The following GSE1 variants were observed in gnomAD, a reference collection of about 807,000 sequenced individuals.
GSE1 encodes the protein genetic suppressor element 1.
In GSE1, 32 loss-of-function variants were observed where a neutral mutation model predicts 112.6. The observed-to-expected ratio is 0.28, with a 90% CI of 0.21 to 0.38. GSE1 has a LOEUF of 0.38. Ranked by LOEUF, GSE1 falls within the 10% of genes least tolerant of loss-of-function variation. GSE1 has a pLI of 1.00. For missense variants in GSE1, 2,348 were observed against 1,699.2 expected (o/e 1.38, Z -6.71); for synonymous variants, 1,115 against 735.6 (o/e 1.52, Z -8.35).
rs9940601 is a variant in GSE1, at chr16:85,672,441, A to C, written c.3556A>C (p.Arg1186=). 1,015,872 of 1,608,578 alleles carry C rather than the reference A, an allele frequency of 0.63. 323,539 individuals carry two copies. Among genetic ancestry groups the C allele is most frequent in the East Asian group, 0.9 (40,120 of 44,802 alleles). ...CCAGAAACAGAAGATGGTCTCAGAA[A>C]GGGAGCGGCTCCAGGCAGAACTGGA... ...RSQKQKMVSE[R]ERLQAELDHL... is the part of the protein sequence containing the mutation. The change falls in exon 16 of 16, where the codon AGG becomes CGG. Residue 1186 remains arginine (R), a synonymous_variant. Coordinates refer to ENST00000253458, the MANE Select transcript of GSE1 (RefSeq NM_014615.5).
chr16:85,506,710 A>G (rs1266444435), intron 2 of GSE1, among the ~76,000 whole-genome samples: 1 of 152,000 alleles, frequency 6.6e-6, no homozygotes, highest in African/African-American at 2.4e-5. Context: ...AACAACTGCT[A>G]ACGTCGATTA....
At chr16:85,658,173 C>A (rs1046820548) in intron 8 of GSE1, among the ~76,000 whole-genome samples, 1 of 152,208 alleles carries the variant, frequency 6.6e-6, no homozygotes, top group African/African-American at 2.4e-5. Flanking sequence ...GGCCCCAGTG[C>A]CCCCAGTCCT....
At chr16:85,580,979 C>G (rs1388981607) in intron 1 of GSE1, among the ~76,000 whole-genome samples, 1 of 152,242 alleles carries the variant, frequency 6.6e-6, no homozygotes, top group South Asian at 2.1e-4. Flanking sequence ...GTAGCCTGAG[C>G]AGAGATGCAC....
Position 85,350,611 on chromosome 16 carries a change from G to A in GSE1, c.2284-6852G>A, listed in dbSNP as rs78024767. On this transcript the variant is annotated intron_variant, in intron 1 of 2. Transcript: ENST00000637419. ...CAGCACACACCCCTTCAAGCTTTGA[G>A]GGGCCATGAGGTCACCGTGATGCTT... Among the ~76,000 whole-genome samples, 950 of 152,214 alleles carry A rather than the reference G, an allele frequency of 6.2e-3. 14 individuals carry two copies. Among genetic ancestry groups the A allele is most frequent in the African/African-American group, 0.022 (897 of 41,524 alleles).
chr16:85,177,718 G>T (rs1474358988), intron 1 of GSE1, among the ~76,000 whole-genome samples: 1 of 152,218 alleles, frequency 6.6e-6, no homozygotes. Context: ...ACGGGAGCAT[G>T]ACTTCATCTT....
intron 2 of GSE1, among the ~76,000 whole-genome samples, chr16:85,404,501 G>A (rs1436063962): frequency 3.0e-5 from 2 of 66,338 alleles, no homozygotes; most frequent in Admixed American, 2.7e-4. Flanking sequence ...GGGCCCCCCC[G>A]GATAATCCTC....
intron 2 of GSE1, among the ~76,000 whole-genome samples, chr16:85,442,188 C>G (rs1340532091): frequency 6.6e-6 from 1 of 152,232 alleles, no homozygotes; most frequent in Non-Finnish European, 1.5e-5. Flanking sequence ...TCAGGTATCA[C>G]CTCCTCAGAG....
chr16:85,309,658 C>A (rs144788276), intron 1 of GSE1, among the ~76,000 whole-genome samples: 39 of 152,248 alleles, frequency 2.6e-4, no homozygotes, highest in Non-Finnish European at 4.8e-4. Context: ...ACCTGTCCAC[C>A]TCTCCTGCTC....
chr16:85,205,040 T>C (rs2143592340), intron 1 of GSE1, among the ~76,000 whole-genome samples: 1 of 143,082 alleles, frequency 7.0e-6, no homozygotes, highest in East Asian at 2.0e-4. Flanking sequence ...GCTGGGCATG[T>C]ACACGTACGT....
At chr16:85,652,898 C>T (rs367886332) in intron 3 of GSE1, among the ~76,000 whole-genome samples, 5 of 152,062 alleles carry the variant, frequency 3.3e-5, no homozygotes, top group African/African-American at 1.2e-4. Flanking sequence ...GGCTGGTGCT[C>T]TTCAGGAGCA....
Position 85,633,680 on chromosome 16 carries a change from A to T in GSE1, c.8-234A>T, listed in dbSNP as rs36004112. On this transcript the variant is annotated intron_variant, in intron 1 of 15. Coordinates refer to ENST00000253458, the MANE Select transcript of GSE1 (RefSeq NM_014615.5). The stretch of plus-strand genomic sequence containing the variant: ...ACAGTGCTGGCCCAAGCCGTTCAGC[A>T]TCTGGGGTCCTGGGGGCCTCTTGGG... Among the ~76,000 whole-genome samples, 1,067 of 152,244 alleles carry T rather than the reference A, an allele frequency of 7.0e-3. 10 individuals carry two copies. Among genetic ancestry groups the T allele is most frequent in the Non-Finnish European group, 9.5e-3 (648 of 68,000 alleles).
At chr16:85,629,293 C>A (rs1218015170) in intron 1 of GSE1, among the ~76,000 whole-genome samples, 1 of 152,200 alleles carries the variant, frequency 6.6e-6, no homozygotes, top group Non-Finnish European at 1.5e-5. Context: ...GTGCCTGTGG[C>A]TGGTGGTCAT....
At chr16:85,641,150 C>T (rs911936986) in intron 2 of GSE1, among the ~76,000 whole-genome samples, 1 of 152,212 alleles carries the variant, frequency 6.6e-6, no homozygotes, top group Admixed American at 6.5e-5. Flanking sequence ...GCACCCTGTG[C>T]CTCCCTGCAG....
At position 85,666,187 on chromosome 16, in the gene GSE1, C is replaced by G. The variant is rs1216636534; in HGVS notation, c.2970C>G (p.His990Gln). The G allele has an allele frequency of 1.9e-6, 3 of 1,613,508 alleles. No individual in the cohort carries two copies. The East Asian group carries it at 6.7e-5, about 36-fold the overall frequency. Residue 990 changes from histidine to glutamine, a missense_variant, in exon 13 of 16, where the codon CAC (histidine) becomes CAG (glutamine). Physicochemically the swap from His to Gln is conservative, Grantham distance 24 (BLOSUM62 0). Transcript: ENST00000253458. Reference protein sequence around the residue: ...PGGKKSLSMLHYIRGAAPKDI... With the variant: ...PGGKKSLSMLQYIRGAAPKDI... Reference sequence around the variant, plus strand: ...GCAAAAAGAGTCTGAGCATGCTTCACTATATCCGGGGCGCTGCACCCAAGG... The same window carrying G: ...GCAAAAAGAGTCTGAGCATGCTTCAGTATATCCGGGGCGCTGCACCCAAGG...
At chr16:85,577,069 A>G (rs1410109110) in intron 1 of GSE1, among the ~76,000 whole-genome samples, 1 of 150,662 alleles carries the variant, frequency 6.6e-6, no homozygotes, top group African/African-American at 2.5e-5. Context: ...CACAGTCAGG[A>G]CTTGGGTCCT....
At chr16:85,171,354 G>A (rs2074356166) in exon 1 of GSE1, 1 of 985,496 alleles carries the variant, frequency 1.0e-6, no homozygotes, top group East Asian at 1.1e-4. Context: ...AGCTCAACGT[G>A]AACCCCGCCA....
At chr16:85,307,180 C>T (rs909244226) in intron 1 of GSE1, among the ~76,000 whole-genome samples, 2 of 152,206 alleles carry the variant, frequency 1.3e-5, no homozygotes, top group African/African-American at 2.4e-5. Flanking sequence ...GCTCAGGCCT[C>T]GTTTACCTGC....
chr16:85,503,116 G>A (rs1056809379), intron 2 of GSE1, among the ~76,000 whole-genome samples: 4 of 152,224 alleles, frequency 2.6e-5, no homozygotes, highest in South Asian at 2.1e-4. Flanking sequence ...CAGTGCCAAG[G>A]CCCTGAGGTC....
Position 85,578,211 on chromosome 16 carries a change from G to A in GSE1, c.37+21848G>A, listed in dbSNP as rs142327559. Among the ~76,000 whole-genome samples, 474 of 152,350 alleles carry A rather than the reference G, an allele frequency of 3.1e-3. 1 individual carries two copies. Among genetic ancestry groups the A allele is most frequent in the African/African-American group, 0.011 (450 of 41,566 alleles). ...ATTGTGCGCTGACACCTGGGAGGGC[G>A]GCACCGGGACAGCTGCTTGCTGTGC... On this transcript the variant is annotated intron_variant, in intron 1 of 2. Coordinates refer to the GSE1 transcript ENST00000635906.
Sources: allele counts gnomAD v4.1 joint callset (sites outside exome capture counted in the v4.1 genomes callset), GRCh38; gene constraint gnomAD v4.1.1; transcripts MANE v1.5; gene names NCBI Gene and HGNC (gene_info 2026-07-23, HGNC 2026-07-21).